The following CHD9 variants were observed in gnomAD, a reference collection of about 807,000 sequenced individuals.
CHD9 encodes chromodomain helicase DNA binding protein 9.
Under a neutral mutation model 316.1 loss-of-function variants are expected in CHD9, and 77 were observed. The observed-to-expected ratio is 0.24, with a 90% confidence interval of 0.20 to 0.29. The LOEUF is 0.29. CHD9 is among the 10% of genes least tolerant of loss of function. CHD9 has a pLI of 1.00. For synonymous variants in CHD9, 1,129 were observed against 1,158.3 expected (o/e 0.97, Z 0.51); for missense variants, 2,763 against 3,438.1 (o/e 0.80, Z 4.91).
At chr16:53,241,595 A>G (rs1432200406) in intron 12 of CHD9, among the ~76,000 whole-genome samples, 1 of 152,214 alleles carries the variant, frequency 6.6e-6, no homozygotes, top group African/African-American at 2.4e-5. Context: ...TCTTTTTAGT[A>G]AATAACAACA....
At chr16:53,187,375 G>A (rs1022586482) in intron 2 of CHD9, among the ~76,000 whole-genome samples, 12 of 152,062 alleles carry the variant, frequency 7.9e-5, no homozygotes, top group Non-Finnish European at 1.3e-4. Flanking sequence ...GCTGGGCATG[G>A]TGACACACAC....
chr16:53,239,647 C>T (rs1161652178), intron 12 of CHD9, among the ~76,000 whole-genome samples: 2 of 151,974 alleles, frequency 1.3e-5, no homozygotes, highest in African/African-American at 4.8e-5. Flanking sequence ...TTATACATGG[C>T]CAGGTTATGT....
At chr16:53,162,641 A>G (rs1394710094) in intron 2 of CHD9, among the ~76,000 whole-genome samples, 2 of 152,054 alleles carry the variant, frequency 1.3e-5, no homozygotes, top group Non-Finnish European at 1.5e-5. Context: ...ATAATGTTTT[A>G]TTGCCTTTTG....
chr16:53,081,687 A>G (rs1411654202), intron 1 of CHD9, among the ~76,000 whole-genome samples: 1 of 152,114 alleles, frequency 6.6e-6, no homozygotes, highest in African/African-American at 2.4e-5. Flanking sequence ...TCCTGGGCTC[A>G]AGCAATCCTC....
intron 22 of CHD9, among the ~76,000 whole-genome samples, chr16:53,270,869 C>A (rs190540594): frequency 1.8e-3 from 274 of 152,230 alleles, no homozygotes; most frequent in Admixed American, 2.7e-3. Flanking sequence ...AGGATAGAAG[C>A]TTTCATTCAA....
Position 53,263,078 on chromosome 16 carries a change from T to A in CHD9, c.4301T>A (p.Ile1434Lys). 1 of 1,611,834 alleles carries A rather than the reference T, an allele frequency of 6.2e-7. No homozygotes were observed. Among genetic ancestry groups the A allele is most frequent in the East Asian group, 2.2e-5 (1 of 44,814 alleles). The change falls in exon 20 of 39, where the codon ATA becomes AAA. Residue 1434 changes from isoleucine to lysine, a missense_variant. This residue lies in a region of CHD9 where 199 missense variants were observed against 251.7 expected (regional missense o/e 0.79). Transcript: ENST00000447540. ...TGGGCTAAAAAGGCAGAAATAGATA[T>A]AGAGGCCATCAGTGGCAGAGTAAGT... Reference protein sequence around the residue: ...QKWAKKAEIDIEAISGRNSLV... With the variant: ...QKWAKKAEIDKEAISGRNSLV...
At chr16:53,180,715 C>A (rs1249937245) in intron 2 of CHD9, among the ~76,000 whole-genome samples, 1 of 151,994 alleles carries the variant, frequency 6.6e-6, no homozygotes, top group East Asian at 1.9e-4. Flanking sequence ...CTCTGTCGCC[C>A]AGGCTGGAGT....
chr16:53,235,893 A>C (rs187850859), intron 11 of CHD9, among the ~76,000 whole-genome samples: 22 of 152,338 alleles, frequency 1.4e-4, no homozygotes, highest in African/African-American at 4.8e-4. Context: ...TTGAGAAAGC[A>C]TAGTAGTTAC....
At chr16:53,235,658 G>A (rs1223674292) in intron 11 of CHD9, among the ~76,000 whole-genome samples, 1 of 152,022 alleles carries the variant, frequency 6.6e-6, no homozygotes, top group Non-Finnish European at 1.5e-5. Context: ...TTATGAGCAA[G>A]GTATACTTAT....
chr16:53,297,799 T>C (rs1295760936), intron 30 of CHD9, among the ~76,000 whole-genome samples: 1 of 152,240 alleles, frequency 6.6e-6, no homozygotes, highest in Non-Finnish European at 1.5e-5. Flanking sequence ...TATTCCTGTT[T>C]TATAGTAAAA....
chr16:53,287,693 C>A (rs2054000504), intron 26 of CHD9, among the ~76,000 whole-genome samples: 1 of 152,152 alleles, frequency 6.6e-6, no homozygotes, highest in African/African-American at 2.4e-5. Flanking sequence ...TGCCACCGCA[C>A]TCCGGCCTGG....
chr16:53,130,785 T>C (rs2039206652), intron 1 of CHD9: 1 of 151,438 alleles, frequency 6.6e-6, no homozygotes, highest in African/African-American at 2.4e-5. Flanking sequence ...CGCTCCCTCT[T>C]AGGCAGCCCG....
rs945288037 is a variant in CHD9, at chr16:53,235,072, A to G, written c.2512-113A>G. ...TTTAAATGTTAGGTAAAAGTTAATCATAACACTGTACACTGTTATGCCTCT... is the reference window on the plus strand; with the variant it reads ...TTTAAATGTTAGGTAAAAGTTAATCGTAACACTGTACACTGTTATGCCTCT... On this transcript the variant is annotated intron_variant, in intron 10 of 38. Coordinates refer to ENST00000447540, the MANE Select transcript of CHD9 (RefSeq NM_001308319.2). 3.5e-5 allele frequency: 25 copies of G among 712,062 alleles called. No homozygotes were observed. The Admixed American group carries it at 6.8e-4, about 19-fold the overall frequency. The allele number at this position is 712,062 out of a possible 1,614,324, so 44.1% of individuals were successfully genotyped here.
chr16:53,153,037 G>T (rs2041241145), intron 1 of CHD9, among the ~76,000 whole-genome samples: 1 of 152,258 alleles, frequency 6.6e-6, no homozygotes, highest in Middle Eastern at 3.4e-3. Flanking sequence ...AGGATTCCAT[G>T]ATAACTACAT....
chr16:53,060,434 T>A (rs1295654611), intron 1 of CHD9, among the ~76,000 whole-genome samples: 1 of 151,740 alleles, frequency 6.6e-6, no homozygotes, highest in East Asian at 1.9e-4. Context: ...GGCAACATAG[T>A]GAGACCTCAT....
At chr16:53,308,059 GT>G in intron 33 of CHD9, 106 bp downstream of exon 33, 1 of 951,070 alleles carries the variant, frequency 1.1e-6, no homozygotes, top group Non-Finnish European at 1.5e-6. Flanking sequence ...TCACATACCT[GT>G]TTCTTGGTAT....
At chr16:53,247,171 ACATG>A in intron 15 of CHD9, 118 bp from the exon 16 acceptor site, 1 of 676,032 alleles carries the variant, frequency 1.5e-6, no homozygotes. Flanking sequence ...AAAGCAATGT[ACATG>A]CCATTAGAAA....
intron 1 of CHD9, chr16:53,131,054 A>C (rs1383786578): frequency 1.8e-5 from 1 of 54,750 alleles, no homozygotes; most frequent in African/African-American, 7.4e-5. Flanking sequence ...CTGGCCGCGC[A>C]GCCGGTAAGT....
At chr16:53,168,105 A>G (rs796304802) in intron 2 of CHD9, among the ~76,000 whole-genome samples, 4 of 152,104 alleles carry the variant, frequency 2.6e-5, no homozygotes, top group African/African-American at 9.6e-5. Flanking sequence ...TCCGTCTCCT[A>G]GGCTGGAGTG....
Sources: allele counts gnomAD v4.1 joint callset (sites outside exome capture counted in the v4.1 genomes callset), GRCh38; gene constraint gnomAD v4.1.1; regional missense constraint gnomAD v4.1.1; transcripts MANE v1.5; gene names NCBI Gene and HGNC (gene_info 2026-07-23, HGNC 2026-07-21).